Variants in ASB4 observed in about 807,000 individuals in gnomAD.
ASB4 encodes the protein ankyrin repeat and SOCS box protein 4.
A neutral mutation model predicts 38.6 loss-of-function variants in ASB4; 35 were observed. The ratio of observed to expected loss-of-function variants is 0.91; its 90% CI spans 0.69 to 1.20. The LOEUF is 1.20. Among genes scored for constraint, ASB4 ranks in the 50% most tolerant of loss-of-function variants. The pLI, the probability that ASB4 is intolerant of heterozygous loss-of-function variation, is 0.00. For missense variants in ASB4, 557 were observed against 527.2 expected (o/e 1.06, Z -0.55); for synonymous variants, 195 against 201.3 (o/e 0.97, Z 0.26).
chr7:95,505,802 T>C (rs1032462351), intron 2 of ASB4, among the ~76,000 whole-genome samples: 1 of 152,094 alleles, frequency 6.6e-6, no homozygotes, highest in African/African-American at 2.4e-5. Flanking sequence ...GTTATCTCTG[T>C]AGAAAACTGT....
chr7:95,485,649 A>G (rs1271791890), upstream of ASB4, among the ~76,000 whole-genome samples: 1 of 152,206 alleles, frequency 6.6e-6, no homozygotes, highest in Admixed American at 6.5e-5. Context: ...GAGCTTTTAA[A>G]TCTTATATTA....
intron 2 of ASB4, among the ~76,000 whole-genome samples, chr7:95,503,731 C>A (rs1475533668): frequency 6.6e-6 from 1 of 152,142 alleles, no homozygotes; most frequent in East Asian, 1.9e-4. Flanking sequence ...AGCTCAGGAC[C>A]ACAGAAGTCC....
In ASB4 at chr7:95,501,581, C is replaced by T. The variant is rs533816782; in HGVS notation, c.487+5524C>T. Among the ~76,000 whole-genome samples, 315 of 152,332 alleles carry T rather than the reference C, an allele frequency of 2.1e-3. 1 individual carries two copies. Among genetic ancestry groups the T allele is most frequent in the African/African-American group, 7.3e-3 (304 of 41,568 alleles). On this transcript the variant is annotated intron_variant, in intron 2 of 4. Coordinates refer to ENST00000325885, the MANE Select transcript of ASB4 (RefSeq NM_016116.3). ...AGTGTTACTAACTATAGTCATCCTG[C>T]TATACATTAGATCTTCAGAACTTAT...
At chr7:95,470,969 C>T in the ASB4 span, among the ~76,000 whole-genome samples, 1 of 152,260 alleles carries the variant, frequency 6.6e-6, no homozygotes, top group East Asian at 1.9e-4. Context: ...TCCTTCAGAG[C>T]CCTAAATTCA....
In ASB4 at chr7:95,516,689, C is replaced by A. The variant is rs866052752; in HGVS notation, c.488-11124C>A. Among the ~76,000 whole-genome samples, 56 of 152,234 alleles carry A rather than the reference C, an allele frequency of 3.7e-4. 1 individual carries two copies. Among genetic ancestry groups the A allele is most frequent in the African/African-American group, 1.2e-3 (49 of 41,534 alleles). On this transcript the variant is annotated intron_variant, in intron 2 of 4. Transcript: ENST00000325885. ...GAAGAAACTTGTCATGAGAGCAGAC[C>A]AAGTGTCAAAAAGTTTGGTTTAATA...
rs764747771 is a variant in ASB4, at chr7:95,536,560, C to A, written c.1092+10C>A. The A allele has an allele frequency of 3.2e-6, 5 of 1,557,708 alleles. No homozygotes were observed. The East Asian group carries it at 9.0e-5, about 28-fold the overall frequency. On this transcript the variant is annotated intron_variant, in intron 4 of 4. Coordinates refer to ENST00000325885, the MANE Select transcript of ASB4 (RefSeq NM_016116.3). Reference sequence around the variant, plus strand: ...CGATGATGACTTGGAGGTAAATAATCGATTCCCTTCTAATAGTTTTCACTA... The same window carrying A: ...CGATGATGACTTGGAGGTAAATAATAGATTCCCTTCTAATAGTTTTCACTA...
At chr7:95,470,760 A>G in the ASB4 span, among the ~76,000 whole-genome samples, 1 of 152,130 alleles carries the variant, frequency 6.6e-6, no homozygotes, top group Admixed American at 6.6e-5. Flanking sequence ...TCATAATAGG[A>G]CTTTTCAAGG....
chr7:95,512,818 C>T (rs1005276567), intron 2 of ASB4, among the ~76,000 whole-genome samples: 1 of 152,110 alleles, frequency 6.6e-6, no homozygotes, highest in Non-Finnish European at 1.5e-5. Context: ...TCCAGCTTCT[C>T]TTCTGAGGGC....
chr7:95,485,511 T>A (rs145243211), upstream of ASB4, among the ~76,000 whole-genome samples: 3 of 152,224 alleles, frequency 2.0e-5, no homozygotes, highest in African/African-American at 7.2e-5. Context: ...TTATTACAGG[T>A]TTTTAGAAGC....
At chr7:95,472,816 T>C in the ASB4 span, among the ~76,000 whole-genome samples, 1 of 152,164 alleles carries the variant, frequency 6.6e-6, no homozygotes, top group African/African-American at 2.4e-5. Context: ...ATGTATAACA[T>C]TTCAGCTCTG....
At chr7:95,543,129 A>G (rs1790991905), downstream of ASB4, 1 of 151,314 alleles carries the variant, frequency 6.6e-6, no homozygotes, top group Non-Finnish European at 1.5e-5. Context: ...TATTTGACTG[A>G]CAAGTGGTGG....
chr7:95,502,692 A>C (rs1790358757), intron 2 of ASB4, among the ~76,000 whole-genome samples: 1 of 152,230 alleles, frequency 6.6e-6, no homozygotes, highest in African/African-American at 2.4e-5. Context: ...ATTCTGTAAG[A>C]GTTTTCAGAA....
At chr7:95,497,924 C>T (rs1403750036) in intron 2 of ASB4, among the ~76,000 whole-genome samples, 1 of 152,098 alleles carries the variant, frequency 6.6e-6, no homozygotes, top group African/African-American at 2.4e-5. Context: ...TGATCTACCC[C>T]CCAGTAGAGG....
At chr7:95,496,579 G>T (rs796575554) in intron 2 of ASB4, among the ~76,000 whole-genome samples, 14 of 152,262 alleles carry the variant, frequency 9.2e-5, no homozygotes, top group African/African-American at 2.6e-4. Context: ...AGGTGCTGTG[G>T]CTCATGCTTG....
chr7:95,517,825 A>G (rs1186751124), intron 2 of ASB4, among the ~76,000 whole-genome samples: 2 of 152,140 alleles, frequency 1.3e-5, no homozygotes, highest in Non-Finnish European at 2.9e-5. Flanking sequence ...CACCCTTTCA[A>G]GGAGTTCAAA....
chr7:95,470,816 CT>C, the ASB4 span, among the ~76,000 whole-genome samples: 3 of 152,138 alleles, frequency 2.0e-5, no homozygotes, highest in African/African-American at 7.2e-5. Context: ...GTAGGGTTTT[CT>C]TTTTTCCCCC....
At chr7:95,540,472 TAA>T (rs1790956732), downstream of ASB4, among the ~76,000 whole-genome samples, 2 of 152,198 alleles carry the variant, frequency 1.3e-5, no homozygotes, top group African/African-American at 4.8e-5. Flanking sequence ...TTAATAGTAG[TAA>T]AGAAATTGTA....
intron 1 of ASB4, among the ~76,000 whole-genome samples, chr7:95,491,338 G>A (rs1443749686): frequency 6.6e-6 from 1 of 152,166 alleles, no homozygotes; most frequent in East Asian, 1.9e-4. Flanking sequence ...ACATGGGGTA[G>A]CGTGTGAGTG....
At chr7:95,487,298 T>A (rs375785435) in intron 1 of ASB4, among the ~76,000 whole-genome samples, 4 of 152,238 alleles carry the variant, frequency 2.6e-5, no homozygotes, top group African/African-American at 9.6e-5. Flanking sequence ...AAAGAAGGGA[T>A]CTATTTTTTA....
Sources: allele counts gnomAD v4.1 joint callset (sites outside exome capture counted in the v4.1 genomes callset), GRCh38; gene constraint gnomAD v4.1.1; transcripts MANE v1.5; gene names NCBI Gene and HGNC (gene_info 2026-07-23, HGNC 2026-07-21).